The following TTC28 variants were observed in gnomAD, a reference collection of about 807,000 sequenced individuals.
TTC28 encodes the protein tetratricopeptide repeat domain 28, also known as tetratricopeptide repeat protein 28.
A neutral mutation model predicts 198.0 loss-of-function variants in TTC28; 61 were observed. The ratio of observed to expected loss-of-function variants is 0.31; its 90% CI spans 0.25 to 0.38. TTC28 has a LOEUF of 0.38. Ranked by LOEUF, TTC28 falls within the 10% of genes least tolerant of loss-of-function variation. The probability of loss-of-function intolerance (pLI) is 1.00; values close to 1 mark genes in which losing one functional copy is unlikely to be tolerated. For synonymous variants in TTC28, 1,171 were observed against 1,297.8 expected, an observed-to-expected ratio of 0.90 and a Z score of 2.10; for missense variants, 2,678 against 3,164.0, an observed-to-expected ratio of 0.85 and a Z score of 3.69.
At chr22:28,633,383 C>T (rs1358697814) in intron 1 of TTC28, among the ~76,000 whole-genome samples, 6 of 151,954 alleles carry the variant, frequency 3.9e-5, no homozygotes, top group Non-Finnish European at 8.8e-5. Flanking sequence ...TAATCCCACA[C>T]TTTGGGAGGC....
chr22:28,305,243 G>T (rs1339634247), intron 3 of TTC28, among the ~76,000 whole-genome samples: 1 of 151,972 alleles, frequency 6.6e-6, no homozygotes, highest in African/African-American at 2.4e-5. Context: ...TGCCCACCTC[G>T]GCCTCCCAAA....
At chr22:28,465,945 T>C (rs983442678) in intron 2 of TTC28, among the ~76,000 whole-genome samples, 8 of 152,196 alleles carry the variant, frequency 5.3e-5, no homozygotes, top group African/African-American at 1.7e-4. Context: ...CCTATAAAGA[T>C]ATGTCCAAGA....
At chr22:28,279,102 A>G (rs2044528991) in intron 5 of TTC28, among the ~76,000 whole-genome samples, 3 of 152,210 alleles carry the variant, frequency 2.0e-5, no homozygotes, top group Non-Finnish European at 4.4e-5. Context: ...GAAAATTTAC[A>G]AAGATACAGT....
At chr22:28,391,270 T>G (rs1204750373) in intron 2 of TTC28, among the ~76,000 whole-genome samples, 6 of 152,198 alleles carry the variant, frequency 3.9e-5, no homozygotes, top group African/African-American at 1.4e-4. Context: ...TGGCTGTCCT[T>G]AACATTTTTT....
intron 2 of TTC28, among the ~76,000 whole-genome samples, chr22:28,371,270 C>T (rs1056589110): frequency 4.6e-5 from 7 of 151,300 alleles, no homozygotes; most frequent in African/African-American, 1.7e-4. Flanking sequence ...GTAGTCCCAG[C>T]ACTTTGGGAG....
At position 28,570,070 on chromosome 22, in the gene TTC28, T is replaced by C. The variant is rs1390790088; in HGVS notation, c.381+59482A>G. Among the ~76,000 whole-genome samples the C allele has an allele frequency of 3.9e-5, 6 of 152,332 alleles. No homozygotes were observed. The South Asian group carries it at 1.0e-3, about 26-fold the overall frequency. The stretch of plus-strand genomic sequence containing the variant: ...AAAACATAACAGACGTTGACGAGGC[T>C]GCAGAGAAAAGGGAATGATTAACAT... On this transcript the variant is annotated intron_variant, in intron 2 of 22. Transcript: ENST00000397906.
At chr22:28,604,519 AGATCATCTGAGGTCAG>A (rs1373967613) in intron 2 of TTC28, among the ~76,000 whole-genome samples, 1 of 151,698 alleles carries the variant, frequency 6.6e-6, no homozygotes, top group African/African-American at 2.4e-5. Flanking sequence ...CAAAGCAAGC[AGATCATCTGAGGTCAG>A]GAGTTCGAGA....
intron 2 of TTC28, among the ~76,000 whole-genome samples, chr22:28,427,216 T>G (rs1028088694): frequency 1.3e-5 from 2 of 152,226 alleles, no homozygotes; most frequent in Admixed American, 1.3e-4. Context: ...TTTAGTAACA[T>G]TTTATAATTT....
intron 2 of TTC28, among the ~76,000 whole-genome samples, chr22:28,509,369 T>C (rs2048657468): frequency 6.6e-6 from 1 of 151,986 alleles, no homozygotes; most frequent in South Asian, 2.1e-4. Context: ...AAATCAGAAC[T>C]CAAGAAATTC....
At chr22:28,355,299 C>T (rs895958130) in intron 2 of TTC28, among the ~76,000 whole-genome samples, 32 of 152,064 alleles carry the variant, frequency 2.1e-4, no homozygotes, top group Non-Finnish European at 1.5e-4. Flanking sequence ...TATTTTTCCC[C>T]CTTTGGAAAA....
intron 5 of TTC28, among the ~76,000 whole-genome samples, chr22:28,212,336 G>A (rs547457302): frequency 2.0e-5 from 3 of 151,458 alleles, no homozygotes; most frequent in South Asian, 4.2e-4. Context: ...AGGAATCCAG[G>A]AGCTGGTTTT....
At chr22:28,116,303 C>T (rs757158434) in intron 6 of TTC28, among the ~76,000 whole-genome samples, 8 of 152,168 alleles carry the variant, frequency 5.3e-5, no homozygotes, top group African/African-American at 1.7e-4. Context: ...ATTCCCTGGG[C>T]CTGTGCCACT....
At chr22:28,085,784 A>G (rs1202606722) in intron 12 of TTC28, among the ~76,000 whole-genome samples, 1 of 152,124 alleles carries the variant, frequency 6.6e-6, no homozygotes, top group Non-Finnish European at 1.5e-5. Context: ...GTGCAGAGAC[A>G]CACATAGGCT....
At chr22:28,623,420 T>C (rs1034698695) in intron 2 of TTC28, among the ~76,000 whole-genome samples, 2 of 152,136 alleles carry the variant, frequency 1.3e-5, no homozygotes, top group East Asian at 3.8e-4. Flanking sequence ...AAGGGATAAA[T>C]AGCCAATTCC....
At chr22:28,306,361 T>C in intron 3 of TTC28, 135 bp downstream of exon 3, 1 of 1,060,336 alleles carries the variant, frequency 9.4e-7, no homozygotes, top group East Asian at 2.7e-5. Context: ...ATTCTTGATC[T>C]TCCTTGGTCT....
intron 12 of TTC28, among the ~76,000 whole-genome samples, chr22:28,085,725 TAA>T (rs1324842725): frequency 1.3e-5 from 2 of 151,954 alleles, no homozygotes; most frequent in Non-Finnish European, 2.9e-5. Context: ...GCAAATTGGA[TAA>T]AGAGTCAAGA....
intron 5 of TTC28, among the ~76,000 whole-genome samples, chr22:28,192,103 C>A (rs936654844): frequency 6.6e-6 from 1 of 152,164 alleles, no homozygotes; most frequent in South Asian, 2.1e-4. Context: ...TCCAGAGGAA[C>A]GATCAGGCAG....
chr22:28,170,483 C>G (rs1481635014), intron 5 of TTC28, among the ~76,000 whole-genome samples: 2 of 141,598 alleles, frequency 1.4e-5, no homozygotes, highest in African/African-American at 5.5e-5. Flanking sequence ...AGCGAGACTC[C>G]GTCTCCAAAA....
intron 12 of TTC28, among the ~76,000 whole-genome samples, chr22:28,089,650 A>G (rs1000432863): frequency 6.6e-5 from 10 of 151,042 alleles, no homozygotes; most frequent in African/African-American, 9.7e-5. Context: ...TATACCCTAA[A>G]ACTTAAAGTA....
Sources: gnomAD v4.1 joint callset for allele counts (sites outside exome capture counted in the v4.1 genomes callset) on GRCh38, gnomAD v4.1.1 for gene constraint, MANE v1.5 for transcripts, NCBI Gene and HGNC (gene_info 2026-07-23, HGNC 2026-07-21) for gene names.